Variants in PARP4 observed in about 807,000 individuals in gnomAD.
PARP4 encodes the protein protein mono-ADP-ribosyltransferase PARP4.
A neutral mutation model predicts 187.7 loss-of-function variants in PARP4; 120 were observed. The ratio of observed to expected loss-of-function variants is 0.64; its 90% CI spans 0.55 to 0.74. The LOEUF is 0.74. Ranked by LOEUF, PARP4 falls within the 30% of genes least tolerant of loss-of-function variation. The probability of loss-of-function intolerance (pLI) is 0.00; values close to 1 mark genes in which losing one functional copy is unlikely to be tolerated. For missense variants in PARP4, 1,836 were observed against 2,070.5 expected, an observed-to-expected ratio of 0.89 and a Z score of 2.20; for synonymous variants, 654 against 740.9, an observed-to-expected ratio of 0.88 and a Z score of 1.90.
chr13:24,429,791 T>C (rs1870243389), intron 32 of PARP4, among the ~76,000 whole-genome samples: 1 of 152,196 alleles, frequency 6.6e-6, no homozygotes, highest in African/African-American at 2.4e-5. Flanking sequence ...GGTATCTGGA[T>C]GCAGATTTCA....
At chr13:24,435,507 G>A in intron 30 of PARP4, 33 bp from the exon 31 acceptor site, 1 of 1,527,974 alleles carries the variant, frequency 6.5e-7, no homozygotes, top group Non-Finnish European at 8.7e-7. Flanking sequence ...AACGTAAGGG[G>A]AAAACACAGA....
intron 30 of PARP4, 141 bp from the exon 31 acceptor site, chr13:24,435,615 G>C (rs1219538842): frequency 9.9e-6 from 9 of 907,382 alleles, no homozygotes; most frequent in Non-Finnish European, 1.5e-5. Flanking sequence ...TGTGAGCTGG[G>C]ATGTTGAAAA....
chr13:24,452,299 G>C, intron 24 of PARP4, 107 bp downstream of exon 24: 1 of 881,626 alleles, frequency 1.1e-6, no homozygotes, highest in Non-Finnish European at 1.8e-6. Context: ...ATGCTGTAAG[G>C]CTTCTGTATT....
At chr13:24,432,643 T>C (rs1335042288) in intron 31 of PARP4, among the ~76,000 whole-genome samples, 1 of 152,220 alleles carries the variant, frequency 6.6e-6, no homozygotes, top group Non-Finnish European at 1.5e-5. Context: ...TATTGTACAG[T>C]AGATCTCCAG....
In PARP4 at chr13:24,426,367, T is replaced by G; in HGVS notation, c.4979+99A>C. Reference sequence around the variant, plus strand: ...AAATTCTCTTGCTACATACTTATAGTGTACACATGTAAGATAATTCCCTAT... The same window carrying G: ...AAATTCTCTTGCTACATACTTATAGGGTACACATGTAAGATAATTCCCTAT... On this transcript the variant is annotated intron_variant, in intron 33 of 33. Transcript: ENST00000381989. 10 of 800,506 alleles carry G rather than the reference T, an allele frequency of 1.2e-5. No homozygotes were observed. In the South Asian group the frequency reaches 1.8e-4, roughly 15 times the overall value. 49.6% of individuals were successfully genotyped at this position (800,506 alleles called of 1,614,324 possible).
intron 2 of PARP4, among the ~76,000 whole-genome samples, chr13:24,503,353 A>G (rs1444078517): frequency 6.6e-6 from 1 of 152,190 alleles, no homozygotes; most frequent in Non-Finnish European, 1.5e-5. Flanking sequence ...AAGAATAGAT[A>G]TGGCTGGTCT....
intron 12 of PARP4, among the ~76,000 whole-genome samples, chr13:24,478,576 T>C (rs1566010995): frequency 6.6e-6 from 1 of 151,936 alleles, no homozygotes; most frequent in South Asian, 2.1e-4. Context: ...GCTGGGACTA[T>C]AGATGTGCAC....
At chr13:24,469,421 T>A (rs1186627338) in intron 16 of PARP4, among the ~76,000 whole-genome samples, 1 of 152,244 alleles carries the variant, frequency 6.6e-6, no homozygotes, top group African/African-American at 2.4e-5. Context: ...TGGGAAATTG[T>A]AGTTTCTAAT....
At position 24,442,513 on chromosome 13, in the gene PARP4, C is replaced by T. The variant is rs1360366617; in HGVS notation, c.3543+77G>A. The T allele has an allele frequency of 1.0e-5, 11 of 1,051,714 alleles. No homozygotes were observed. The Admixed American group carries it at 1.4e-4, about 14-fold the overall frequency. 65.1% of individuals were successfully genotyped at this position (1,051,714 alleles called of 1,614,324 possible). On this transcript the variant is annotated intron_variant, in intron 29 of 33. Transcript: ENST00000381989. ...CCAGGGTGTGGATGTCGTCATTAAC[C>T]ATCAAAGCAAGGGTGACTTTCTTAA... is the stretch of plus-strand genomic sequence containing the variant.
intron 23 of PARP4, 84 bp from the exon 24 acceptor site, chr13:24,452,677 G>A (rs1183260827): frequency 1.9e-6 from 2 of 1,068,770 alleles, no homozygotes; most frequent in African/African-American, 3.2e-5. Context: ...TCTAAGGACA[G>A]TGTAGGGATA....
In PARP4 at chr13:24,494,725, G is replaced by A. The variant is rs1868847431; in HGVS notation, c.592-3C>T. On this transcript the variant is annotated splice_polypyrimidine_tract_variant and splice_region_variant and intron_variant, in intron 6 of 33. Transcript: ENST00000381989. ...TTTATAGCAAACTGTCTTCTAGTCT[G>A]TGAATTATGGTGTATAGCAAAAGTA... 1 of 1,588,962 alleles carries A rather than the reference G, an allele frequency of 6.3e-7. No individual in the cohort carries two copies. The highest frequency in any genetic ancestry group is 1.4e-5 in the African/African-American group (1 of 73,838).
intron 22 of PARP4, among the ~76,000 whole-genome samples, chr13:24,454,114 A>T (rs201732466): frequency 6.6e-6 from 1 of 151,270 alleles, no homozygotes; most frequent in Admixed American, 6.6e-5. Context: ...AAAAAAAAAA[A>T]TTCACCACAC....
Position 24,453,611 on chromosome 13 carries a change from A to T in PARP4, c.2802T>A (p.Asn934Lys). 10 of 1,604,048 alleles carry T rather than the reference A, an allele frequency of 6.2e-6. No individual in the cohort carries two copies. Among genetic ancestry groups the T allele is most frequent in the Non-Finnish European group, 8.5e-6 (10 of 1,170,906 alleles). ...LFSYPKHITS[N>K]TMAAEFIMSA... ...CCATGATGAACTCTGCTGCCATGGT[A>T]TTGCTTGTGATATGCTTAGGATACG... The change falls in exon 23 of 34, where the codon AAT (asparagine) becomes AAA (lysine). Residue 934 changes from asparagine to lysine, a missense_variant. By Grantham distance (94) the Asn-to-Lys change is moderately conservative. Transcript: ENST00000381989.
intron 15 of PARP4, among the ~76,000 whole-genome samples, chr13:24,473,169 A>G (rs2862903): frequency 0.51 from 77,338 of 151,736 alleles, 20,007 homozygotes; most frequent in South Asian, 0.65. Context: ...CAATCCTCCT[A>G]CCTCAGCCTC....
intron 15 of PARP4, among the ~76,000 whole-genome samples, chr13:24,473,443 A>T (rs1872821976): frequency 6.6e-6 from 1 of 152,212 alleles, no homozygotes; most frequent in African/African-American, 2.4e-5. Context: ...GATAAACGTA[A>T]AATTCAGAAC....
chr13:24,450,877 T>A (rs1486358249), intron 24 of PARP4, among the ~76,000 whole-genome samples: 3 of 149,182 alleles, frequency 2.0e-5, no homozygotes, highest in African/African-American at 7.6e-5. Context: ...CATTTTTCAA[T>A]TTTTTTTTTA....
chr13:24,435,803 C>A (rs1175145565), intron 30 of PARP4, among the ~76,000 whole-genome samples: 2 of 151,830 alleles, frequency 1.3e-5, no homozygotes, highest in Middle Eastern at 3.2e-3. Flanking sequence ...GTAGTCCCAG[C>A]CACCTGGGAG....
chr13:24,459,194 T>G (rs1490828206), intron 19 of PARP4, 70 bp downstream of exon 19: 2 of 1,582,840 alleles, frequency 1.3e-6, no homozygotes, highest in Non-Finnish European at 1.7e-6. Flanking sequence ...TTCAAACAAT[T>G]CTAAATGGAA....
At chr13:24,429,255 A>G (rs1355257946) in intron 32 of PARP4, among the ~76,000 whole-genome samples, 1 of 152,182 alleles carries the variant, frequency 6.6e-6, no homozygotes, top group African/African-American at 2.4e-5. Context: ...ATCCTTCACT[A>G]TATTTTTAAT....
Sources: allele counts gnomAD v4.1 joint callset (sites outside exome capture counted in the v4.1 genomes callset), GRCh38; gene constraint gnomAD v4.1.1; transcripts MANE v1.5; gene names NCBI Gene and HGNC (gene_info 2026-07-23, HGNC 2026-07-21).